The following CACNA2D4 variants were observed in gnomAD, a reference collection of about 807,000 sequenced individuals.
The protein encoded by CACNA2D4 is calcium voltage-gated channel auxiliary subunit alpha2delta 4.
A neutral mutation model predicts 163.8 loss-of-function variants in CACNA2D4; 157 were observed. That is an observed-to-expected ratio of 0.96 (90% CI 0.84 to 1.09). The LOEUF (loss-of-function observed/expected upper bound fraction) is 1.09. Among genes scored for constraint, CACNA2D4 ranks in the 50% least tolerant of loss-of-function variants. The pLI, the probability that CACNA2D4 is intolerant of heterozygous loss-of-function variation, is 0.00. For synonymous variants in CACNA2D4, 598 were observed against 586.9 expected (o/e 1.02, Z -0.27); for missense variants, 1,410 against 1,479.9 (o/e 0.95, Z 0.78).
chr12:1,797,639 A>T, intron 34 of CACNA2D4, 104 bp from the exon 35 acceptor site: 2 of 780,444 alleles, frequency 2.6e-6, no homozygotes, highest in Admixed American at 2.1e-5. Flanking sequence ...GCATTTGCAG[A>T]GGGTCCCTCC....
chr12:1,823,526 C>A (rs1425762008), intron 26 of CACNA2D4, among the ~76,000 whole-genome samples: 1 of 152,182 alleles, frequency 6.6e-6, no homozygotes, highest in Admixed American at 6.5e-5. Flanking sequence ...CATGTGGAAC[C>A]CCCTGCTCCT....
chr12:1,826,410 C>A (rs11831740), intron 26 of CACNA2D4, among the ~76,000 whole-genome samples: 3 of 79,322 alleles, frequency 3.8e-5, no homozygotes, highest in South Asian at 5.1e-4. Flanking sequence ...GCCCCCCCCC[C>A]CCCCCCGCCA....
At chr12:1,847,358 ATGCCCAAGGGTGTG>A (rs1865168916) in intron 23 of CACNA2D4, among the ~76,000 whole-genome samples, 1 of 152,216 alleles carries the variant, frequency 6.6e-6, no homozygotes, top group Admixed American at 6.5e-5. Context: ...GTTCCTCTCC[ATGCCCAAGGGTGTG>A]TGCTATAGTG....
chr12:1,848,513 T>C (rs976934047), intron 23 of CACNA2D4, among the ~76,000 whole-genome samples: 8 of 152,248 alleles, frequency 5.3e-5, no homozygotes. Flanking sequence ...CATTCTTTTA[T>C]TTCTTATTTT....
intron 18 of CACNA2D4, among the ~76,000 whole-genome samples, chr12:1,871,707 C>T (rs1442870820): frequency 1.3e-5 from 2 of 151,886 alleles, no homozygotes; most frequent in Admixed American, 6.6e-5. Context: ...TGTGTGTACA[C>T]GTGTATGCAA....
intron 23 of CACNA2D4, among the ~76,000 whole-genome samples, chr12:1,849,332 A>C (rs1450534456): frequency 6.6e-6 from 1 of 152,162 alleles, no homozygotes; most frequent in African/African-American, 2.4e-5. Flanking sequence ...CCTTTTGCTG[A>C]AGATCTTGGT....
At chr12:1,889,307 G>A (rs143709682) in intron 6 of CACNA2D4, among the ~76,000 whole-genome samples, 127 of 152,198 alleles carry the variant, frequency 8.3e-4, no homozygotes, top group African/African-American at 3.0e-3. Flanking sequence ...AAATAAAATG[G>A]TAAATAAGTC....
At position 1,792,668 on chromosome 12, in the gene CACNA2D4, T is replaced by C. The variant is rs1336382351; in HGVS notation, c.*987A>G. 2 of 151,796 alleles carry C rather than the reference T, an allele frequency of 1.3e-5. No individual in the cohort carries two copies. The highest frequency in any genetic ancestry group is 2.1e-4 in the South Asian group (1 of 4,808). 9.4% of individuals were successfully genotyped at this position (151,796 alleles called of 1,614,324 possible). On this transcript the variant is annotated 3_prime_UTR_variant, in exon 38 of 38. Transcript: ENST00000382722. ...CTTGGGACCCTGGGGGAGATGTGTG[T>C]GCGCTGGGGGTGAGTTCCCAGATAG... is the stretch of plus-strand genomic sequence containing the variant.
intron 1 of CACNA2D4, among the ~76,000 whole-genome samples, chr12:1,916,584 A>AGGG (rs72516338): frequency 6.6e-6 from 1 of 150,706 alleles, no homozygotes; most frequent in Non-Finnish European, 1.5e-5. Flanking sequence ...GAGGAGGAGG[A>AGGG]GCACTTGAGG....
intron 26 of CACNA2D4, chr12:1,830,971 C>T (rs555844852): frequency 1.3e-5 from 21 of 1,612,734 alleles, no homozygotes; most frequent in Middle Eastern, 1.7e-4. Context: ...GCTGTGGAGG[C>T]CCTCCCCACC....
chr12:1,870,060 T>C (rs1368351250), intron 18 of CACNA2D4, among the ~76,000 whole-genome samples: 1 of 152,216 alleles, frequency 6.6e-6, no homozygotes, highest in Non-Finnish European at 1.5e-5. Flanking sequence ...GCTTTGTCTT[T>C]AGGCCTAGGG....
Position 1,874,727 on chromosome 12 carries a change from A to G in CACNA2D4, c.1807-52T>C. The stretch of plus-strand genomic sequence containing the variant: ...GTTCCTTGGCTCACAGGGGATGGTG[A>G]AAGTATGGCATTCTTCAGACCAGAT... On this transcript the variant is annotated intron_variant, in intron 17 of 37. Transcript: ENST00000382722. This position sits in a 1 kb window ranked among gnomAD's most constrained non-coding sequence, Gnocchi z 4.4. 1 of 1,299,728 alleles carries G rather than the reference A, an allele frequency of 7.7e-7. No homozygotes were observed. The highest frequency in any genetic ancestry group is 1.1e-6 in the Non-Finnish European group (1 of 894,790). The allele number at this position is 1,299,728 out of a possible 1,614,324, so 80.5% of individuals were successfully genotyped here.
intron 27 of CACNA2D4, 56 bp from the exon 28 acceptor site, chr12:1,810,643 C>A: frequency 6.6e-7 from 1 of 1,512,626 alleles, no homozygotes; most frequent in South Asian, 1.2e-5. Context: ...AGAAATGGCA[C>A]GTGTAAGTGG....
Position 1,882,424 on chromosome 12 carries a change from G to A in CACNA2D4, c.1485+443C>T, listed in dbSNP as rs1218089586. Among the ~76,000 whole-genome samples the A allele has an allele frequency of 3.9e-5, 6 of 152,080 alleles. No homozygotes were observed. The East Asian group carries it at 5.8e-4, about 15-fold the overall frequency. The stretch of plus-strand genomic sequence containing the variant: ...CTCTCCCTTTGATGTTCATTCTTTC[G>A]TGCAAGTCATTGCTGCCTACAGTCC... On this transcript the variant is annotated intron_variant, in intron 13 of 37. Coordinates refer to ENST00000382722, the MANE Select transcript of CACNA2D4 (RefSeq NM_172364.5).
rs1565709339 is a variant in CACNA2D4 at position 1,848,784 on chromosome 12, T to TTATTATTA, written c.2247-2096_2247-2095insTAATAATA. Reference sequence around the variant, plus strand: ...TGCAATTATTATTATTATTATTATTTTTATTTAAAGACAGGTTCTCACTAC... The same window carrying TTATTATTA: ...TGCAATTATTATTATTATTATTATTTTATTATTATTATTTAAAGACAGGTTCTCACTAC... On this transcript the variant is annotated intron_variant, in intron 23 of 37. Coordinates refer to ENST00000382722, the MANE Select transcript of CACNA2D4 (RefSeq NM_172364.5). Among the ~76,000 whole-genome samples, 176 of 37,342 alleles carry TTATTATTA rather than the reference T, an allele frequency of 4.7e-3. 1 individual carries two copies. Among genetic ancestry groups the TTATTATTA allele is most frequent in the South Asian group, 0.023 (31 of 1,372 alleles). The allele number at this position is 37,342 out of a possible 152,430, so 24.5% of individuals were successfully genotyped here. A position where few individuals can be genotyped will look rare whatever the true frequency, so the allele number is the denominator to read the frequency against.
Position 1,884,979 on chromosome 12 carries a change from G to T in CACNA2D4, c.1158+8C>A, listed in dbSNP as rs768103442. On this transcript the variant is annotated splice_region_variant and intron_variant, in intron 10 of 37. Transcript: ENST00000382722. The stretch of plus-strand genomic sequence containing the variant: ...TCCTCCCCTCCCAGGCCTCATTACA[G>T]TGGGCACCTGCTTCAGGATCTGGAA... 5 of 1,612,996 alleles carry T rather than the reference G, an allele frequency of 3.1e-6. No individual in the cohort carries two copies. In the South Asian group the frequency reaches 5.5e-5, roughly 18 times the overall value.
intron 23 of CACNA2D4, among the ~76,000 whole-genome samples, chr12:1,851,362 G>A (rs1012192703): frequency 3.3e-5 from 5 of 152,260 alleles, no homozygotes; most frequent in African/African-American, 7.2e-5. Flanking sequence ...TTTGGACTTC[G>A]TCCAGGTGTA....
rs561520322 is a variant in CACNA2D4, at chr12:1,875,018, A to G, written c.1806+233T>C. On this transcript the variant is annotated intron_variant, in intron 17 of 37. Transcript: ENST00000382722. This position sits in a 1 kb window ranked among gnomAD's most constrained non-coding sequence, Gnocchi z 4.0. ...CTCTGCAGCTTATACACATGATCTC[A>G]TCCAGCCTCAGTAGTCCTTGTGATT... Among the ~76,000 whole-genome samples, 1 of 152,338 alleles carries G rather than the reference A, an allele frequency of 6.6e-6. No homozygotes were observed. Among genetic ancestry groups the G allele is most frequent in the East Asian group, 1.9e-4 (1 of 5,188 alleles).
chr12:1,815,942 C>T (rs1863857987), intron 26 of CACNA2D4, among the ~76,000 whole-genome samples: 1 of 152,202 alleles, frequency 6.6e-6, no homozygotes, highest in Admixed American at 6.5e-5. Context: ...GGAGTAAAGG[C>T]GGTGAGGCAC....
Sources: gnomAD v4.1 joint callset for allele counts (sites outside exome capture counted in the v4.1 genomes callset) on GRCh38, gnomAD v4.1.1 for gene constraint, Gnocchi (gnomAD v3.1) non-coding constraint, MANE v1.5 for transcripts, NCBI Gene and HGNC (gene_info 2026-07-23, HGNC 2026-07-21) for gene names.